Variants in ZNF747 observed in about 807,000 individuals in gnomAD.
ZNF747 encodes the protein KRAB domain-containing protein ZNF747.
Under a neutral mutation model 13.4 loss-of-function variants are expected in ZNF747, and 14 were observed. That is an observed-to-expected ratio of 1.04 (90% CI 0.69 to 1.63). The LOEUF is 1.63. Among genes scored for constraint, ZNF747 ranks in the 40% most tolerant of loss-of-function variants. ZNF747 has a pLI of 0.00. For missense variants in ZNF747, 532 were observed against 477.9 expected, an observed-to-expected ratio of 1.11 and a Z score of -1.05; for synonymous variants, 212 against 206.5, an observed-to-expected ratio of 1.03 and a Z score of -0.23.
At position 30,532,518 on chromosome 16, in the gene ZNF747, ATC is replaced by A; in HGVS notation, c.975_976del (p.Glu325AspfsTer10). ...AGGCCGTCACCCACATTCCTGGAATATCTCTGGATACAGCTGGAAGCCCACAG... is the reference window on the plus strand; with the variant it reads ...AGGCCGTCACCCACATTCCTGGAATATCTGGATACAGCTGGAAGCCCACAG... On this transcript the variant is annotated frameshift_variant, in exon 3 of 3. Coordinates refer to ENST00000693075, the MANE Select transcript of ZNF747 (RefSeq NM_001305018.2). LOFTEE classifies it high-confidence loss of function. 6.2e-7 allele frequency: 1 copy of A among 1,605,500 alleles called. No individual in the cohort carries two copies. The highest frequency in any genetic ancestry group is 8.5e-7 in the Non-Finnish European group (1 of 1,177,346).
At position 30,532,300 on chromosome 16, in the gene ZNF747, G is replaced by A; in HGVS notation, c.*199C>T. 1 of 642,874 alleles carries A rather than the reference G, an allele frequency of 1.6e-6. No homozygotes were observed. Among genetic ancestry groups the A allele is most frequent in the East Asian group, 2.7e-5 (1 of 36,670 alleles). The allele number at this position is 642,874 out of a possible 1,614,324, so 39.8% of individuals were successfully genotyped here. A position where few individuals can be genotyped will look rare whatever the true frequency, so the allele number is the denominator to read the frequency against. On this transcript the variant is annotated 3_prime_UTR_variant, in exon 3 of 3. Transcript: ENST00000693075. ...TCACCTCAGCCCTGCCTCAGCAAAG[G>A]GGGCCTTGGAGAGCCCAGGGCAGCG...
At position 30,532,233 on chromosome 16, in the gene ZNF747, A is replaced by G; in HGVS notation, c.*266T>C. 1.8e-6 allele frequency: 1 copy of G among 571,158 alleles called. No individual in the cohort carries two copies. Among genetic ancestry groups the G allele is most frequent in the Non-Finnish European group, 3.1e-6 (1 of 321,954 alleles). The allele number at this position is 571,158 out of a possible 1,614,324, so 35.4% of individuals were successfully genotyped here. A position where few individuals can be genotyped will look rare whatever the true frequency, so the allele number is the denominator to read the frequency against. On this transcript the variant is annotated 3_prime_UTR_variant, in exon 3 of 3. Coordinates refer to ENST00000693075, the MANE Select transcript of ZNF747 (RefSeq NM_001305018.2). ...CAATCCTCTTAGCATCTCTGGGAGGAGAAACAGCTTTTGCTTCCCTGTATG... is the reference window on the plus strand; with the variant it reads ...CAATCCTCTTAGCATCTCTGGGAGGGGAAACAGCTTTTGCTTCCCTGTATG...
chr16:30,534,148 G>C (rs2051418960), intron 2 of ZNF747, 49 bp downstream of exon 2: 2 of 1,561,468 alleles, frequency 1.3e-6, no homozygotes, highest in Non-Finnish European at 1.7e-6. Flanking sequence ...GTACCGGGAT[G>C]GGACAGGAAC....
chr16:30,534,559 C>G lies in ZNF747; in HGVS notation c.121G>C (p.Asp41His), dbSNP rs752241588. The change falls in exon 1 of 3, where the codon GAC becomes CAC. Residue 41 changes from aspartate (D) to histidine (H), a missense_variant. Asp to His is a moderately conservative substitution (Grantham distance 81, BLOSUM62 -1). Coordinates refer to ENST00000693075, the MANE Select transcript of ZNF747 (RefSeq NM_001305018.2). ...TCCCGGGAGAAGTACACGGCCACGT[C>G]GGCGAAGCTCACGGCCCCGGGCTTT... ...WRKPGAVSFA[D>H]VAVYFSREEW... is the part of the protein sequence containing the mutation. 2 of 1,606,594 alleles carry G rather than the reference C, an allele frequency of 1.2e-6. No individual in the cohort carries two copies. Among genetic ancestry groups the G allele is most frequent in the African/African-American group, 2.7e-5 (2 of 74,796 alleles).
At chr16:30,533,283 C>T (rs1393932063) in intron 2 of ZNF747, 132 bp from the exon 3 acceptor site, 3 of 1,215,326 alleles carry the variant, frequency 2.5e-6, no homozygotes, top group South Asian at 1.4e-5. Context: ...ACCTGTTCCT[C>T]GGCTGCAGAG....
At position 30,532,905 on chromosome 16, in the gene ZNF747, A is replaced by G. The variant is rs2051399435; in HGVS notation, c.590T>C (p.Leu197Pro). The stretch of plus-strand genomic sequence containing the variant: ...CCTGTGGCTGTAAATGTGCTCCACC[A>G]GTGTGGAGCGCCAGGCGAAGCTCTT... Reference protein sequence around the residue: ...CGKSFAWRSTLVEHIYSHRGE... With the variant: ...CGKSFAWRSTPVEHIYSHRGE... The change falls in exon 3 of 3, where the codon CTG (leucine) becomes CCG (proline). Residue 197 changes from leucine to proline, a missense_variant. Transcript: ENST00000693075. 2 of 1,601,638 alleles carry G rather than the reference A, an allele frequency of 1.2e-6. No individual in the cohort carries two copies. The highest frequency in any genetic ancestry group is 1.7e-6 in the Non-Finnish European group (2 of 1,176,526).
chr16:30,534,432 A>G lies in ZNF747; in HGVS notation c.229+19T>C, dbSNP rs200748419. ...GCCTGTGGAGGCGCAGGGCCCAGGC[A>G]AGCAGGTGGGGCTCTCACCGAGCGC... On this transcript the variant is annotated intron_variant, in intron 1 of 2. Coordinates refer to ENST00000693075, the MANE Select transcript of ZNF747 (RefSeq NM_001305018.2). 172 of 1,572,706 alleles carry G rather than the reference A, an allele frequency of 1.1e-4. No homozygotes were observed. Among genetic ancestry groups the G allele is most frequent in the African/African-American group, 8.1e-4 (60 of 73,882 alleles).
chr16:30,531,061 CAG>C lies in ZNF747; in HGVS notation c.*1436_*1437del, dbSNP rs2051366852. The C allele has an allele frequency of 6.6e-6, 1 of 152,268 alleles. No individual in the cohort carries two copies. Among genetic ancestry groups the C allele is most frequent in the African/African-American group, 2.4e-5 (1 of 41,458 alleles). 9.4% of individuals were successfully genotyped at this position (152,268 alleles called of 1,614,324 possible). A position where few individuals can be genotyped will look rare whatever the true frequency, so the allele number is the denominator to read the frequency against. On this transcript the variant is annotated 3_prime_UTR_variant, in exon 3 of 3. Coordinates refer to ENST00000693075, the MANE Select transcript of ZNF747 (RefSeq NM_001305018.2). ...GCCCATGATGGCACATACTTAAAGA[CAG>C]CAAAGATGGTGCGTACCTAAAGACA... is the stretch of plus-strand genomic sequence containing the variant.
chr16:30,534,411 G>C, intron 1 of ZNF747, 40 bp downstream of exon 1: 1 of 1,560,874 alleles, frequency 6.4e-7, no homozygotes, highest in Non-Finnish European at 8.7e-7. Context: ...GGCAGGGCCT[G>C]TGGAGGCGCA....
rs764265645 is a variant in ZNF747 at position 30,532,520 on chromosome 16, C to T, written c.975G>A (p.Glu325=). The T allele has an allele frequency of 9.3e-6, 15 of 1,605,620 alleles. No individual in the cohort carries two copies. The South Asian group carries it at 1.3e-4, about 14-fold the overall frequency. Residue 325 remains glutamate (E), a synonymous_variant, in exon 3 of 3, where the codon GAG becomes GAA. Coordinates refer to ENST00000693075, the MANE Select transcript of ZNF747 (RefSeq NM_001305018.2). ...DPPVGFQLYP[E]IFQECG ...GCCGTCACCCACATTCCTGGAATATCTCTGGATACAGCTGGAAGCCCACAG... is the reference window on the plus strand; with the variant it reads ...GCCGTCACCCACATTCCTGGAATATTTCTGGATACAGCTGGAAGCCCACAG...
In ZNF747 at chr16:30,532,573, T is replaced by C. The variant is rs1292782966; in HGVS notation, c.922A>G (p.Thr308Ala). 16 of 1,579,044 alleles carry C rather than the reference T, an allele frequency of 1.0e-5. No homozygotes were observed. The East Asian group carries it at 3.7e-4, about 37-fold the overall frequency. Reference protein sequence around the residue: ...RRPGGLSVTLTPVRGDLDPPV... With the variant: ...RRPGGLSVTLAPVRGDLDPPV... ...GGGTCCAGGTCCCCGCGGACAGGAGTCAGGGTCACAGACAGCCCCCCAGGG... is the reference window on the plus strand; with the variant it reads ...GGGTCCAGGTCCCCGCGGACAGGAGCCAGGGTCACAGACAGCCCCCCAGGG... Residue 308 changes from threonine to alanine, a missense_variant, in exon 3 of 3, where the codon ACT (threonine) becomes GCT (alanine). Thr to Ala is a moderately conservative substitution (Grantham distance 58, BLOSUM62 0). Coordinates refer to ENST00000693075, the MANE Select transcript of ZNF747 (RefSeq NM_001305018.2).
rs999709499 is a variant in ZNF747 at position 30,532,346 on chromosome 16, A to G, written c.*153T>C. Reference sequence around the variant, plus strand: ...CAGCGGGGAGCAAGGTGCTGGCAGAAGAGGCTGCTGAGAGCCCAAGATCAG... The same window carrying G: ...CAGCGGGGAGCAAGGTGCTGGCAGAGGAGGCTGCTGAGAGCCCAAGATCAG... On this transcript the variant is annotated 3_prime_UTR_variant, in exon 3 of 3. Coordinates refer to ENST00000693075, the MANE Select transcript of ZNF747 (RefSeq NM_001305018.2). The G allele has an allele frequency of 1.5e-5, 13 of 845,304 alleles. No homozygotes were observed. In the African/African-American group the frequency reaches 1.9e-4, roughly 12 times the overall value. The allele number at this position is 845,304 out of a possible 1,614,324, so 52.4% of individuals were successfully genotyped here.
chr16:30,534,310 C>G lies in ZNF747; in HGVS notation c.230G>C (p.Gly77Ala), dbSNP rs756222856. Reference sequence around the variant, plus strand: ...GAGCGCCGGCTTGCTGCCTCCGACTCCTGGGGGAGAAGAACGCAAACCCCA... The same window carrying G: ...GAGCGCCGGCTTGCTGCCTCCGACTGCTGGGGGAGAAGAACGCAAACCCCA... Reference protein sequence around the residue: ...RETYGHLGALGVGGSKPALIS... With the variant: ...RETYGHLGALAVGGSKPALIS... The change falls in exon 2 of 3, where the codon GGA (glycine) becomes GCA (alanine). Residue 77 changes from glycine (G) to alanine (A), a missense_variant and splice_region_variant. Physicochemically the swap from Gly to Ala is moderately conservative, Grantham distance 60. Coordinates refer to ENST00000693075, the MANE Select transcript of ZNF747 (RefSeq NM_001305018.2). The G allele has an allele frequency of 5.1e-6, 8 of 1,570,562 alleles. No individual in the cohort carries two copies. The highest frequency in any genetic ancestry group is 6.9e-6 in the Non-Finnish European group (8 of 1,158,242).
In ZNF747 at chr16:30,534,703, G is replaced by A; in HGVS notation, c.-24C>T. The A allele has an allele frequency of 6.7e-7, 1 of 1,493,586 alleles. No individual in the cohort carries two copies. The highest frequency in any genetic ancestry group is 2.2e-5 in the Admixed American group (1 of 45,006). 92.5% of individuals were successfully genotyped at this position (1,493,586 alleles called of 1,614,324 possible). On this transcript the variant is annotated 5_prime_UTR_variant, in exon 1 of 3. Transcript: ENST00000693075. Reference sequence around the variant, plus strand: ...ATCTCCCCTGGCCAGGCCTGGGCATGCGGAACCTCCCGCGCCCGAGAACAC... The same window carrying A: ...ATCTCCCCTGGCCAGGCCTGGGCATACGGAACCTCCCGCGCCCGAGAACAC...
At position 30,530,846 on chromosome 16, in the gene ZNF747, G is replaced by T. The variant is rs915524227; in HGVS notation, c.*1653C>A. On this transcript the variant is annotated 3_prime_UTR_variant, in exon 3 of 3. Transcript: ENST00000693075. The surrounding 1 kb of genome is among the most constrained non-coding windows in gnomAD (Gnocchi z 4.4). ...ACAGGCCCTTGCTCTCCTTGGGCAGGTGTTGTCCTGACCAGAGGCAGGGCA... is the reference window on the plus strand; with the variant it reads ...ACAGGCCCTTGCTCTCCTTGGGCAGTTGTTGTCCTGACCAGAGGCAGGGCA... 3 of 152,400 alleles carry T rather than the reference G, an allele frequency of 2.0e-5. No individual in the cohort carries two copies. Among genetic ancestry groups the T allele is most frequent in the African/African-American group, 7.2e-5 (3 of 41,476 alleles). The allele number at this position is 152,400 out of a possible 1,614,324, so 9.4% of individuals were successfully genotyped here. A position where few individuals can be genotyped will look rare whatever the true frequency, so the allele number is the denominator to read the frequency against.
rs115499189 is a variant in ZNF747, at chr16:30,532,746, C to T, written c.749G>A (p.Arg250His). Residue 250 changes from arginine (R) to histidine (H), a missense_variant, in exon 3 of 3, where the codon CGC (arginine) becomes CAC (histidine). Transcript: ENST00000693075. ...GCGCAGGTGAGAAGTCAGCGCCGTGCGGCGCATGAAGGCCCGACCACACTC... is the reference window on the plus strand; with the variant it reads ...GCGCAGGTGAGAAGTCAGCGCCGTGTGGCGCATGAAGGCCCGACCACACTC... Reference protein sequence around the residue: ...CPECGRAFMRRTALTSHLRVH... With the variant: ...CPECGRAFMRHTALTSHLRVH... The T allele has an allele frequency of 1.8e-3, 2,711 of 1,543,070 alleles. 43 individuals carry two copies. The African/African-American group carries it at 0.032, about 18-fold the overall frequency.
rs1341969149 is a variant in ZNF747, at chr16:30,532,773, G to A, written c.722C>T (p.Pro241Leu). ...IHRGERPHRC[P>L]ECGRAFMRRT... ...GCGCATGAAGGCCCGACCACACTCG[G>A]GACAGCGGTGGGGCCGCTCCCCACG... The change falls in exon 3 of 3, where the codon CCC becomes CTC. Residue 241 changes from proline to leucine, a missense_variant. Transcript: ENST00000693075. 6.5e-6 allele frequency: 10 copies of A among 1,549,386 alleles called. No individual in the cohort carries two copies. The highest frequency in any genetic ancestry group is 2.7e-5 in the African/African-American group (2 of 73,448).
Position 30,532,992 on chromosome 16 carries a change from CG to C in ZNF747, c.502del (p.Arg168AlafsTer58). On this transcript the variant is annotated frameshift_variant, in exon 3 of 3. Coordinates refer to ENST00000693075, the MANE Select transcript of ZNF747 (RefSeq NM_001305018.2). LOFTEE classifies it low-confidence loss of function (END_TRUNC). Reference protein sequence around the residue: ...LSKARRRSRPRFFAHPPVPRA... With the variant: ...LSKARRRSRPXFFAHPPVPRA... ...GGGGACAGGGGGGTGGGCAAAAAAG[CG>C]GGGGCGACTCCGGCGCCGGGCCTTG... 6.2e-7 allele frequency: 1 copy of C among 1,607,642 alleles called. No homozygotes were observed. The highest frequency in any genetic ancestry group is 8.5e-7 in the Non-Finnish European group (1 of 1,178,722).
Position 30,534,521 on chromosome 16 carries a change from G to A in ZNF747, c.159C>T (p.Cys53=). 1 of 1,609,652 alleles carries A rather than the reference G, an allele frequency of 6.2e-7. No individual in the cohort carries two copies. The highest frequency in any genetic ancestry group is 1.1e-5 in the South Asian group (1 of 90,360). Residue 53 remains cysteine (C), a synonymous_variant, in exon 1 of 3, where the codon TGC becomes TGT. Transcript: ENST00000693075. The part of the protein sequence containing the change: ...AVYFSREEWG[C]LRPAQRALYR... ...ACAGGGCCCTCTGCGCGGGCCGCAG[G>A]CAGCCCCACTCCTCCCGGGAGAAGT...
Sources: gnomAD v4.1 joint callset for allele counts on GRCh38, gnomAD v4.1.1 for gene constraint, Gnocchi (gnomAD v3.1) non-coding constraint, MANE v1.5 for transcripts, NCBI Gene and HGNC (gene_info 2026-07-23, HGNC 2026-07-21) for gene names.